Variants in TMEM144 observed in about 807,000 individuals in gnomAD.
TMEM144 encodes the protein transmembrane protein 144.
Under a neutral mutation model 43.6 loss-of-function variants are expected in TMEM144, and 39 were observed. That is an observed-to-expected ratio of 0.90 (90% CI 0.69 to 1.17). TMEM144 has a LOEUF of 1.17. Ranked by LOEUF, TMEM144 falls within the 50% of genes most tolerant of loss-of-function variation. The probability of loss-of-function intolerance (pLI) is 0.00; values close to 1 mark genes in which losing one functional copy is unlikely to be tolerated. For missense variants in TMEM144, 417 were observed against 411.9 expected, an observed-to-expected ratio of 1.01 and a Z score of -0.11; for synonymous variants, 154 against 133.6, an observed-to-expected ratio of 1.15 and a Z score of -1.06.
chr4:158,238,888 G>A lies in TMEM144; in HGVS notation c.682+1245G>A, dbSNP rs1219902594. Among the ~76,000 whole-genome samples the A allele has an allele frequency of 2.6e-5, 4 of 152,144 alleles. No homozygotes were observed. In the South Asian group the frequency reaches 8.3e-4, roughly 32 times the overall value. On this transcript the variant is annotated intron_variant, in intron 9 of 12. Coordinates refer to ENST00000296529, the MANE Select transcript of TMEM144 (RefSeq NM_018342.5). ...GATCTTGCTTGTGACAACTCTGAAT[G>A]TAATGTGATGGGAACACTTTATCCC...
At chr4:158,241,918 C>T (rs551508321) in intron 11 of TMEM144, among the ~76,000 whole-genome samples, 3 of 152,216 alleles carry the variant, frequency 2.0e-5, no homozygotes, top group Non-Finnish European at 2.9e-5. Context: ...TTATTCTCTC[C>T]TTATATAAAA....
At chr4:158,235,533 T>C (rs377606822) in intron 8 of TMEM144, 28 bp downstream of exon 8, 1 of 1,583,758 alleles carries the variant, frequency 6.3e-7, no homozygotes, top group African/African-American at 1.3e-5. Flanking sequence ...CTTTGCTCTA[T>C]TACTCTGTTT....
At chr4:158,216,885 G>A (rs1734249480) in intron 4 of TMEM144, among the ~76,000 whole-genome samples, 3 of 152,046 alleles carry the variant, frequency 2.0e-5, no homozygotes, top group Non-Finnish European at 4.4e-5. Context: ...ATAAGAGAAT[G>A]AATGTAGAAA....
chr4:158,247,582 C>T (rs1383004245), intron 12 of TMEM144, among the ~76,000 whole-genome samples: 1 of 151,752 alleles, frequency 6.6e-6, no homozygotes, highest in Non-Finnish European at 1.5e-5. Flanking sequence ...AAATCAGTTG[C>T]CTTCCAATGT....
At chr4:158,225,520 A>G (rs971043475) in intron 6 of TMEM144, among the ~76,000 whole-genome samples, 6 of 152,310 alleles carry the variant, frequency 3.9e-5, no homozygotes, top group South Asian at 2.1e-4. Flanking sequence ...TGGGGCCCCA[A>G]TTGCATCTAA....
chr4:158,251,574 C>A (rs1736206765), intron 12 of TMEM144, among the ~76,000 whole-genome samples: 1 of 152,180 alleles, frequency 6.6e-6, no homozygotes, highest in South Asian at 2.1e-4. Context: ...ATCAAGCTGG[C>A]TAAGACCAAT....
At chr4:158,237,758 T>C in intron 9 of TMEM144, 115 bp downstream of exon 9, 1 of 734,008 alleles carries the variant, frequency 1.4e-6, no homozygotes. Context: ...TCCTTGTAAG[T>C]GGCGAATTAG....
chr4:158,252,049 A>C (rs1736233372), intron 12 of TMEM144, among the ~76,000 whole-genome samples: 1 of 152,226 alleles, frequency 6.6e-6, no homozygotes, highest in African/African-American at 2.4e-5. Context: ...CTGACCAGGA[A>C]AAGAGATGCC....
At chr4:158,231,726 G>A (rs947968957) in intron 6 of TMEM144, among the ~76,000 whole-genome samples, 1 of 152,122 alleles carries the variant, frequency 6.6e-6, no homozygotes, top group Non-Finnish European at 1.5e-5. Context: ...GAGGGGGGTT[G>A]GTAGACAGCT....
At chr4:158,219,094 C>A (rs547019436) in intron 5 of TMEM144, among the ~76,000 whole-genome samples, 1 of 152,076 alleles carries the variant, frequency 6.6e-6, no homozygotes, top group African/African-American at 2.4e-5. Context: ...GCCTGGATGA[C>A]AGAGCAAGCC....
At chr4:158,228,039 G>C (rs1277114208) in intron 6 of TMEM144, among the ~76,000 whole-genome samples, 10 of 152,106 alleles carry the variant, frequency 6.6e-5, no homozygotes. Context: ...CACTTTTGCA[G>C]TTTACACCAA....
chr4:158,240,208 A>G (rs974486119), intron 9 of TMEM144, 91 bp from the exon 10 acceptor site: 1 of 1,449,956 alleles, frequency 6.9e-7, no homozygotes, highest in African/African-American at 1.4e-5. Context: ...ATTTGCCTTT[A>G]AGGTTAATTC....
At chr4:158,252,860 A>G (rs1017927235) in intron 12 of TMEM144, among the ~76,000 whole-genome samples, 6 of 152,068 alleles carry the variant, frequency 3.9e-5, no homozygotes, top group Non-Finnish European at 7.4e-5. Context: ...AAGCATAACA[A>G]GTGCTCAGGT....
intron 4 of TMEM144, 131 bp downstream of exon 4, chr4:158,215,444 A>G: frequency 1.0e-5 from 12 of 1,147,098 alleles, no homozygotes; most frequent in Non-Finnish European, 1.3e-5. Context: ...GAAATTAACT[A>G]GTTTCTTGCC....
chr4:158,247,499 T>G (rs1240945433), intron 12 of TMEM144, among the ~76,000 whole-genome samples: 1 of 151,938 alleles, frequency 6.6e-6, no homozygotes, highest in African/African-American at 2.4e-5. Flanking sequence ...AAATAAAAAT[T>G]TAAAAGAATC....
chr4:158,219,048 G>A (rs184049217), intron 5 of TMEM144, among the ~76,000 whole-genome samples: 2 of 152,226 alleles, frequency 1.3e-5, no homozygotes, highest in African/African-American at 2.4e-5. Flanking sequence ...AGGAGGCAGA[G>A]GTTGCAGTGA....
chr4:158,211,070 T>A (rs1014509607), intron 1 of TMEM144: 2 of 152,214 alleles, frequency 1.3e-5, no homozygotes, highest in East Asian at 3.8e-4. Context: ...TCCACAAAAA[T>A]TTCATTATTT....
intron 6 of TMEM144, among the ~76,000 whole-genome samples, chr4:158,222,531 A>G (rs1052770698): frequency 1.3e-5 from 2 of 151,862 alleles, no homozygotes; most frequent in Non-Finnish European, 2.9e-5. Flanking sequence ...CTCTAGTTAG[A>G]CTCTTCCCCT....
Position 158,219,379 on chromosome 4 carries a change from A to G in TMEM144, c.402A>G (p.Leu134=), listed in dbSNP as rs1734400584. ...TGCTAAATTACATTGGAGCTGGGCT[A>G]TCAGTAGTAAGGTACACAGTCATTT... ...NPLLNYIGAG[L]SVVSAFIFLF... The change falls in exon 6 of 13, where the codon CTA becomes CTG. Residue 134 remains leucine, a synonymous_variant. Coordinates refer to ENST00000296529, the MANE Select transcript of TMEM144 (RefSeq NM_018342.5). 1.2e-6 allele frequency: 2 copies of G among 1,613,874 alleles called. No homozygotes were observed. Among genetic ancestry groups the G allele is most frequent in the Non-Finnish European group, 1.7e-6 (2 of 1,179,796 alleles).
Sources: gnomAD v4.1 joint callset for allele counts (sites outside exome capture counted in the v4.1 genomes callset) on GRCh38, gnomAD v4.1.1 for gene constraint, MANE v1.5 for transcripts, NCBI Gene and HGNC (gene_info 2026-07-23, HGNC 2026-07-21) for gene names.